Variants in USP36 observed in about 807,000 individuals in gnomAD.
The protein encoded by USP36 is ubiquitin carboxyl-terminal hydrolase 36.
In USP36, 59 loss-of-function variants were observed where a neutral mutation model predicts 111.5. The observed-to-expected ratio is 0.53, with a 90% CI of 0.43 to 0.66. The LOEUF (loss-of-function observed/expected upper bound fraction) is 0.66, where lower values mean the gene tolerates loss of function less well. Ranked by LOEUF, USP36 falls within the 30% of genes least tolerant of loss-of-function variation. USP36 has a pLI of 0.00. For missense variants in USP36, 1,488 were observed against 1,468.0 expected (o/e 1.01, Z -0.22); for synonymous variants, 628 against 581.0 (o/e 1.08, Z -1.16).
chr17:78,806,031 C>T lies in USP36; in HGVS notation c.2216+125G>A, dbSNP rs1042166599. The T allele has an allele frequency of 3.9e-6, 6 of 1,526,664 alleles. No homozygotes were observed. In the African/African-American group the frequency reaches 7.0e-5, roughly 18 times the overall value. The allele number at this position is 1,526,664 out of a possible 1,614,324, so 94.6% of individuals were successfully genotyped here. On this transcript the variant is annotated intron_variant, in intron 15 of 20. Transcript: ENST00000449938. ...TGGTCAGTGACGCCCCCCTGTACCT[C>T]CTGGCTGCCCCAATGCTTTGTCTGT...
At chr17:78,799,554 C>A in intron 18 of USP36, 113 bp downstream of exon 18, 1 of 931,406 alleles carries the variant, frequency 1.1e-6, no homozygotes, top group South Asian at 1.5e-5. Context: ...TTCTCAAAGC[C>A]GAGCGATGCC....
intron 6 of USP36, chr17:78,823,131 C>T: frequency 2.5e-6 from 1 of 398,784 alleles, no homozygotes; most frequent in Non-Finnish European, 4.4e-6. Context: ...TTCCCAGACT[C>T]CGGGAGCTCT....
Position 78,807,505 on chromosome 17 carries a change from G to A in USP36, c.1539C>T (p.Ser513=), listed in dbSNP as rs1185454974. 3 of 1,613,972 alleles carry A rather than the reference G, an allele frequency of 1.9e-6. No individual in the cohort carries two copies. Among genetic ancestry groups the A allele is most frequent in the Non-Finnish European group, 2.5e-6 (3 of 1,179,930 alleles). The change falls in exon 14 of 21, where the codon TCC becomes TCT. Residue 513 remains serine, a synonymous_variant. Coordinates refer to ENST00000449938, the MANE Select transcript of USP36 (RefSeq NM_001385174.1). ...GCIPPKLPSG[S]PSPKLSQTPT... is the part of the protein sequence containing the mutation. ...GTGTCTGGGAGAGTTTGGGGGAAGG[G>A]GACCCCGAGGGCAGCTTTGGAGGAA...
intron 9 of USP36, chr17:78,819,060 G>A (rs2094255405): frequency 3.8e-6 from 1 of 264,532 alleles, no homozygotes; most frequent in African/African-American, 2.2e-5. Context: ...GGAAAAAGTT[G>A]CTTTGGGCCA....
chr17:78,820,961 G>A (rs1286670984), intron 8 of USP36, 30 bp downstream of exon 8: 3 of 1,596,748 alleles, frequency 1.9e-6, no homozygotes, highest in East Asian at 2.3e-5. Flanking sequence ...CTCTCCTACT[G>A]CAAAAGTGAA....
At position 78,798,471 on chromosome 17, in the gene USP36, G is replaced by C. The variant is rs1268492481; in HGVS notation, c.3321C>G (p.Phe1107Leu). Residue 1107 changes from phenylalanine to leucine, a missense_variant, in exon 20 of 21, where the codon TTC becomes TTG. By Grantham distance (22) the Phe-to-Leu change is conservative. Around this residue, in one of 3 missense-constraint regions of USP36, gnomAD observed 1,073 missense variants for 994.1 expected, o/e 1.08. Coordinates refer to ENST00000449938, the MANE Select transcript of USP36 (RefSeq NM_001385174.1). The surrounding 1 kb of genome is among the most constrained non-coding windows in gnomAD (Gnocchi z 5.1). ...AFQKLQTRRNFWSVTHPAKAA... is the reference protein window; with the variant it reads ...AFQKLQTRRNLWSVTHPAKAA... ...CCTTTGCTGGGTGAGTCACAGACCA[G>C]AAGTTCCGTCGAGTCTGAAGTTTCT... 6.2e-7 allele frequency: 1 copy of C among 1,614,212 alleles called. No individual in the cohort carries two copies. Among genetic ancestry groups the C allele is most frequent in the East Asian group, 2.2e-5 (1 of 44,872 alleles).
rs779425142 is a variant in USP36, at chr17:78,799,776, C to T, written c.3023-8G>A. 23 of 1,592,316 alleles carry T rather than the reference C, an allele frequency of 1.4e-5. No individual in the cohort carries two copies. Among genetic ancestry groups the T allele is most frequent in the East Asian group, 2.3e-5 (1 of 42,704 alleles). On this transcript the variant is annotated splice_polypyrimidine_tract_variant and splice_region_variant and intron_variant, in intron 17 of 20. Coordinates refer to ENST00000449938, the MANE Select transcript of USP36 (RefSeq NM_001385174.1). ...GAGGGGCCTGGCTCAGCCCTGCAAT[C>T]GGAGCAGCCAAGAAACATTTACAGA...
intron 6 of USP36, among the ~76,000 whole-genome samples, chr17:78,825,874 C>T (rs762518928): frequency 1.3e-5 from 2 of 152,190 alleles, no homozygotes; most frequent in Admixed American, 6.5e-5. Flanking sequence ...CCTCGGGGGT[C>T]ACTTCTCCCA....
chr17:78,812,857 T>C lies in USP36; in HGVS notation c.1407+3A>G. The C allele has an allele frequency of 3.7e-6, 6 of 1,613,122 alleles. No individual in the cohort carries two copies. Among genetic ancestry groups the C allele is most frequent in the Non-Finnish European group, 5.1e-6 (6 of 1,179,898 alleles). ...CTTTGGCCTCCATCATTCTCACAAA[T>C]ACCTTTCCAGTCAGTGGGGAGGAAA... On this transcript the variant is annotated splice_donor_region_variant and intron_variant, in intron 13 of 20. Coordinates refer to ENST00000449938, the MANE Select transcript of USP36 (RefSeq NM_001385174.1).
intron 10 of USP36, among the ~76,000 whole-genome samples, chr17:78,818,138 C>A (rs1028930406): frequency 2.6e-5 from 4 of 152,086 alleles, no homozygotes; most frequent in African/African-American, 4.8e-5. Context: ...AGTAGTTTTT[C>A]TAAACTCCAT....
intron 17 of USP36, 94 bp from the exon 18 acceptor site, chr17:78,799,862 T>G: frequency 1.8e-6 from 1 of 547,996 alleles, no homozygotes; most frequent in Non-Finnish European, 3.0e-6. Flanking sequence ...CAACTTACAG[T>G]AAGTGGATGC....
At chr17:78,812,434 A>G (rs1465947659) in intron 13 of USP36, among the ~76,000 whole-genome samples, 1 of 152,146 alleles carries the variant, frequency 6.6e-6, no homozygotes, top group Admixed American at 6.5e-5. Flanking sequence ...TCATGCCTGT[A>G]ATCCCAGCAC....
Position 78,813,890 on chromosome 17 carries a change from T to C in USP36, c.1165-17A>G, listed in dbSNP as rs2094124605. ...ATTGCTTGCCTGAAGCAGCCAAGGATGTTGCAGAAAACAAAACAATCAACA... is the reference window on the plus strand; with the variant it reads ...ATTGCTTGCCTGAAGCAGCCAAGGACGTTGCAGAAAACAAAACAATCAACA... On this transcript the variant is annotated splice_polypyrimidine_tract_variant and intron_variant, in intron 11 of 20. Transcript: ENST00000449938. The C allele has an allele frequency of 1.2e-6, 2 of 1,610,134 alleles. No homozygotes were observed. The highest frequency in any genetic ancestry group is 1.1e-5 in the South Asian group (1 of 90,508).
In USP36 at chr17:78,803,453, C is replaced by T; in HGVS notation, c.2742G>A (p.Lys914=). ...VTDGHHASSR[K]RRRKGAEGLG... ...GACCTTCTGCTCCTTTCCTCCTCCG[C>T]TTCCTGCTGCTCGCGTGGTGGCCGT... is the stretch of plus-strand genomic sequence containing the variant. The change falls in exon 16 of 21, where the codon AAG becomes AAA. Residue 914 remains lysine (K), a synonymous_variant. Coordinates refer to ENST00000449938, the MANE Select transcript of USP36 (RefSeq NM_001385174.1). The surrounding 1 kb of genome is among the most constrained non-coding windows in gnomAD (Gnocchi z 4.6). 1.2e-6 allele frequency: 2 copies of T among 1,614,184 alleles called. No homozygotes were observed. Among genetic ancestry groups the T allele is most frequent in the Non-Finnish European group, 1.7e-6 (2 of 1,180,052 alleles).
Position 78,827,366 on chromosome 17 carries a change from G to A in USP36, c.587-19C>T, listed in dbSNP as rs750968415. The A allele has an allele frequency of 1.3e-6, 2 of 1,599,086 alleles. No homozygotes were observed. The highest frequency in any genetic ancestry group is 1.7e-6 in the Non-Finnish European group (2 of 1,170,086). ...GCGATCTCTAAAAGAGGAAGAAACA[G>A]GGAGGGAAGAGCTCGTGTCTTCTCA... On this transcript the variant is annotated intron_variant, in intron 5 of 20. Transcript: ENST00000449938.
intron 12 of USP36, among the ~76,000 whole-genome samples, 183 bp downstream of exon 12, chr17:78,813,590 C>T (rs1352842891): frequency 1.3e-5 from 2 of 152,214 alleles, no homozygotes; most frequent in Non-Finnish European, 2.9e-5. Context: ...CCTGTCCTGA[C>T]CTTCCCAAGG....
intron 9 of USP36, 127 bp downstream of exon 9, chr17:78,819,803 T>G (rs73394987): frequency 1.1e-6 from 1 of 905,104 alleles, no homozygotes; most frequent in Non-Finnish European, 1.7e-6. Flanking sequence ...AGGACACACA[T>G]AGGTTCCTCA....
Position 78,803,291 on chromosome 17 carries a change from C to T in USP36, c.2810+94G>A, listed in dbSNP as rs2093802523. ...TTTAGAAAACCACGCAAGCAGACTACGTTTCCAGACCATACCTACTTGGGG... is the reference window on the plus strand; with the variant it reads ...TTTAGAAAACCACGCAAGCAGACTATGTTTCCAGACCATACCTACTTGGGG... On this transcript the variant is annotated intron_variant, in intron 16 of 20. Coordinates refer to ENST00000449938, the MANE Select transcript of USP36 (RefSeq NM_001385174.1). This position sits in a 1 kb window ranked among gnomAD's most constrained non-coding sequence, Gnocchi z 4.6. 4.4e-6 allele frequency: 6 copies of T among 1,374,608 alleles called. No homozygotes were observed. Among genetic ancestry groups the T allele is most frequent in the African/African-American group, 1.4e-5 (1 of 69,104 alleles). The allele number at this position is 1,374,608 out of a possible 1,614,324, so 85.2% of individuals were successfully genotyped here. A position where few individuals can be genotyped will look rare whatever the true frequency, so the allele number is the denominator to read the frequency against.
intron 18 of USP36, 102 bp downstream of exon 18, chr17:78,799,565 C>T (rs2093689073): frequency 7.5e-6 from 8 of 1,068,842 alleles, no homozygotes; most frequent in African/African-American, 1.6e-5. Flanking sequence ...GAGCGATGCC[C>T]GCCCGCCACA....
Sources: gnomAD v4.1 joint callset for allele counts (sites outside exome capture counted in the v4.1 genomes callset) on GRCh38, gnomAD v4.1.1 for gene constraint, gnomAD v4.1.1 regional missense constraint, Gnocchi (gnomAD v3.1) non-coding constraint, MANE v1.5 for transcripts, NCBI Gene and HGNC (gene_info 2026-07-23, HGNC 2026-07-21) for gene names.